The following TAFA1 variants were observed in gnomAD, a reference collection of about 807,000 sequenced individuals.
TAFA1 encodes the protein chemokine-like protein TAFA-1.
TAFA1 carries 4 observed loss-of-function variants against 18.5 expected under a neutral mutation model. The ratio of observed to expected loss-of-function variants is 0.22; its 90% CI spans 0.11 to 0.49. The LOEUF (loss-of-function observed/expected upper bound fraction) is 0.49, where lower values mean the gene tolerates loss of function less well. Ranked by LOEUF, TAFA1 falls within the 20% of genes least tolerant of loss-of-function variation. The pLI is 0.98. For synonymous variants in TAFA1, 56 were observed against 55.2 expected (o/e 1.01, Z -0.06); for missense variants, 147 against 169.0 (o/e 0.87, Z 0.72).
chr3:68,222,562 G>A (rs746711841), intron 2 of TAFA1, among the ~76,000 whole-genome samples: 37 of 152,078 alleles, frequency 2.4e-4, no homozygotes, highest in Non-Finnish European at 4.6e-4. Flanking sequence ...TATTTGTACA[G>A]GATCTTTATT....
chr3:68,355,584 CCCATAGTAGCCTTATA>C (rs1226622664), intron 2 of TAFA1, among the ~76,000 whole-genome samples: 1 of 151,808 alleles, frequency 6.6e-6, no homozygotes. Context: ...GTTTTAAAAC[CCCATAGTAGCCTTATA>C]AAAATCCCCC....
chr3:68,021,829 T>C (rs1160198042), intron 2 of TAFA1, among the ~76,000 whole-genome samples: 1 of 152,120 alleles, frequency 6.6e-6, no homozygotes, highest in Non-Finnish European at 1.5e-5. Flanking sequence ...AAGATGATGG[T>C]AAATTTGCAA....
At chr3:68,329,359 C>T (rs1181093798) in intron 2 of TAFA1, among the ~76,000 whole-genome samples, 1 of 151,854 alleles carries the variant, frequency 6.6e-6, no homozygotes, top group East Asian at 1.9e-4. Context: ...AGCCACAGCG[C>T]CCAGCCACTT....
chr3:68,087,226 A>C (rs939733655), intron 2 of TAFA1, among the ~76,000 whole-genome samples: 1 of 152,180 alleles, frequency 6.6e-6, no homozygotes, highest in South Asian at 2.1e-4. Flanking sequence ...TTTTGAGACA[A>C]TAGTTGAAAA....
At chr3:68,134,327 A>G (rs2065580615) in intron 2 of TAFA1, among the ~76,000 whole-genome samples, 1 of 152,080 alleles carries the variant, frequency 6.6e-6, no homozygotes, top group Non-Finnish European at 1.5e-5. Flanking sequence ...CAAATTCTTA[A>G]TAGGATAAGT....
chr3:68,325,229 T>C (rs771398277), intron 2 of TAFA1, among the ~76,000 whole-genome samples: 1 of 152,204 alleles, frequency 6.6e-6, no homozygotes, highest in Non-Finnish European at 1.5e-5. Context: ...AAGGCATCAG[T>C]GTCACCATTT....
intron 2 of TAFA1, among the ~76,000 whole-genome samples, chr3:68,346,809 A>C (rs1359293630): frequency 3.3e-5 from 5 of 152,158 alleles, no homozygotes. Flanking sequence ...GTGCTTCCCA[A>C]CTTCTTTTTC....
intron 2 of TAFA1, among the ~76,000 whole-genome samples, chr3:68,206,023 T>C (rs79333655): frequency 0.014 from 2,120 of 151,992 alleles, 54 homozygotes; most frequent in African/African-American, 0.047. Context: ...TATCGTTCCA[T>C]GTGTCATGTG....
chr3:68,197,018 T>C (rs1286393446), intron 2 of TAFA1, among the ~76,000 whole-genome samples: 1 of 151,692 alleles, frequency 6.6e-6, no homozygotes, highest in Admixed American at 6.6e-5. Context: ...GACAAGAAAA[T>C]ATAGTAGAAC....
chr3:68,025,451 G>A (rs942069564), intron 2 of TAFA1, among the ~76,000 whole-genome samples: 5 of 152,132 alleles, frequency 3.3e-5, no homozygotes, highest in Non-Finnish European at 5.9e-5. Flanking sequence ...CAGGCAGATG[G>A]TGAGGTTAAA....
intron 2 of TAFA1, among the ~76,000 whole-genome samples, chr3:68,331,833 G>A (rs145437449): frequency 0.016 from 2,366 of 149,372 alleles, 32 homozygotes; most frequent in Non-Finnish European, 0.022. Context: ...ATGAACAATG[G>A]GTAAAGGATA....
At chr3:68,351,103 G>C (rs907909541) in intron 2 of TAFA1, among the ~76,000 whole-genome samples, 7 of 152,084 alleles carry the variant, frequency 4.6e-5, no homozygotes, top group South Asian at 2.1e-4. Context: ...CCATGCTCCA[G>C]ATCAACTGAA....
At chr3:68,509,320 C>T (rs59334315) in intron 3 of TAFA1, among the ~76,000 whole-genome samples, 32,029 of 151,918 alleles carry the variant, frequency 0.21, 4,269 homozygotes, top group East Asian at 0.43. Flanking sequence ...TCCTACCCTG[C>T]GTCAAGGTAG....
intron 2 of TAFA1, among the ~76,000 whole-genome samples, chr3:68,265,195 C>G (rs2067519577): frequency 2.0e-5 from 3 of 152,160 alleles, no homozygotes; most frequent in Admixed American, 6.6e-5. Flanking sequence ...TTTTCTGAGG[C>G]TCTGATCCCT....
intron 2 of TAFA1, among the ~76,000 whole-genome samples, chr3:68,249,507 C>G (rs1002983655): frequency 3.3e-5 from 5 of 152,106 alleles, no homozygotes; most frequent in African/African-American, 1.2e-4. Flanking sequence ...ATGTATCAAA[C>G]AGCATAAGAA....
intron 2 of TAFA1, among the ~76,000 whole-genome samples, chr3:68,044,547 C>T (rs897821919): frequency 2.4e-4 from 37 of 152,192 alleles, no homozygotes; most frequent in Non-Finnish European, 2.9e-4. Context: ...CAGCCTGGGC[C>T]TGGGTTCTCC....
chr3:68,215,781 C>T (rs1350857498), intron 2 of TAFA1, among the ~76,000 whole-genome samples: 1 of 151,918 alleles, frequency 6.6e-6, no homozygotes, highest in Non-Finnish European at 1.5e-5. Flanking sequence ...ATAATCTTAC[C>T]CTATGATCCA....
intron 2 of TAFA1, among the ~76,000 whole-genome samples, chr3:68,099,099 A>G (rs2106813255): frequency 6.6e-6 from 1 of 152,322 alleles, no homozygotes; most frequent in Non-Finnish European, 1.5e-5. Flanking sequence ...AATCTTGGGA[A>G]AGAATTTACG....
chr3:68,206,767 T>TTTCCAAGTGC (rs1393466317), intron 2 of TAFA1, among the ~76,000 whole-genome samples: 1 of 151,950 alleles, frequency 6.6e-6, no homozygotes, highest in Admixed American at 6.6e-5. Context: ...AGATAACTTT[T>TTTCCAAGTGC]TTCCAAGTGC....
Sources: gnomAD v4.1 joint callset for allele counts (sites outside exome capture counted in the v4.1 genomes callset) on GRCh38, gnomAD v4.1.1 for gene constraint, MANE v1.5 for transcripts, NCBI Gene and HGNC (gene_info 2026-07-23, HGNC 2026-07-21) for gene names.